GUCY1A2: variants seen among roughly 807,000 people sequenced by gnomAD.
GUCY1A2 encodes the protein guanylate cyclase 1 soluble subunit alpha 2.
A neutral mutation model predicts 63.5 loss-of-function variants in GUCY1A2; 27 were observed. The observed-to-expected ratio is 0.43, with a 90% CI of 0.31 to 0.59. The LOEUF (loss-of-function observed/expected upper bound fraction) is 0.59. Ranked by LOEUF, GUCY1A2 falls within the 20% of genes least tolerant of loss-of-function variation. GUCY1A2 has a pLI of 0.11. For missense variants in GUCY1A2, 768 were observed against 913.3 expected (o/e 0.84, Z 2.05); for synonymous variants, 364 against 343.5 (o/e 1.06, Z -0.66).
intron 4 of GUCY1A2, among the ~76,000 whole-genome samples, chr11:106,862,591 A>C (rs936337364): frequency 6.6e-6 from 1 of 152,066 alleles, no homozygotes; most frequent in African/African-American, 2.4e-5. Context: ...TGGGCACTCT[A>C]AGGGAATACC....
At chr11:106,991,710 T>C (rs1435211443) in intron 1 of GUCY1A2, among the ~76,000 whole-genome samples, 1 of 152,222 alleles carries the variant, frequency 6.6e-6, no homozygotes, top group Non-Finnish European at 1.5e-5. Flanking sequence ...CTGTCACTAA[T>C]GGCTTATAAT....
intron 4 of GUCY1A2, among the ~76,000 whole-genome samples, chr11:106,878,022 GA>G (rs869190299): frequency 1.6e-4 from 24 of 151,264 alleles, no homozygotes; most frequent in African/African-American, 5.3e-4. Flanking sequence ...AACAATATAT[GA>G]AAAAAAACTC....
At chr11:106,922,240 A>G (rs775488226) in intron 4 of GUCY1A2, among the ~76,000 whole-genome samples, 1 of 152,154 alleles carries the variant, frequency 6.6e-6, no homozygotes, top group African/African-American at 2.4e-5. Context: ...TAAAATGTTA[A>G]GGTGAAAGAA....
intron 6 of GUCY1A2, among the ~76,000 whole-genome samples, chr11:106,766,433 A>ATGTT (rs1365965669): frequency 2.0e-5 from 3 of 152,088 alleles, no homozygotes; most frequent in African/African-American, 7.2e-5. Flanking sequence ...TTTGTATTGA[A>ATGTT]TGTTTGCATA....
At chr11:106,731,081 G>T (rs1591252035) in intron 6 of GUCY1A2, among the ~76,000 whole-genome samples, 1 of 152,086 alleles carries the variant, frequency 6.6e-6, no homozygotes, top group East Asian at 1.9e-4. Context: ...CTTTTGGTGT[G>T]CAGATCTTTA....
chr11:106,687,840 C>T, intron 7 of GUCY1A2, 84 bp from the exon 8 acceptor site: 1 of 895,154 alleles, frequency 1.1e-6, no homozygotes, highest in East Asian at 2.4e-5. Flanking sequence ...GCTCAGGAAG[C>T]CTATCTCTGA....
At position 106,885,664 on chromosome 11, in the gene GUCY1A2, A is replaced by T. The variant is rs576092046; in HGVS notation, c.1206+53796T>A. 2.6e-5 allele frequency among the ~76,000 whole-genome samples: 4 copies of T among 152,286 alleles called. No homozygotes were observed. In the South Asian group the frequency reaches 8.3e-4, roughly 32 times the overall value. On this transcript the variant is annotated intron_variant, in intron 4 of 7. Coordinates refer to ENST00000526355, the MANE Select transcript of GUCY1A2 (RefSeq NM_000855.3). ...CATAATTCCATTTCCCCACATATAA[A>T]ATAGGGATAGTACACCATCCTATTT...
intron 4 of GUCY1A2, among the ~76,000 whole-genome samples, chr11:106,933,176 A>G (rs184778759): frequency 1.1e-4 from 17 of 152,256 alleles, no homozygotes; most frequent in South Asian, 1.0e-3. Context: ...TAAACAACCT[A>G]AAAAATGGGA....
At chr11:106,855,348 T>C (rs1859414617) in intron 4 of GUCY1A2, among the ~76,000 whole-genome samples, 1 of 152,146 alleles carries the variant, frequency 6.6e-6, no homozygotes, top group South Asian at 2.1e-4. Context: ...AAACCGATCC[T>C]GGCCAGGCCA....
chr11:106,962,250 G>A (rs1433744526), intron 3 of GUCY1A2, among the ~76,000 whole-genome samples: 1 of 152,126 alleles, frequency 6.6e-6, no homozygotes, highest in Non-Finnish European at 1.5e-5. Flanking sequence ...GTCCATGACA[G>A]CATGAAAATG....
intron 3 of GUCY1A2, among the ~76,000 whole-genome samples, chr11:106,961,899 A>G (rs893412085): frequency 6.6e-6 from 1 of 152,190 alleles, no homozygotes; most frequent in Non-Finnish European, 1.5e-5. Flanking sequence ...AAATCTCCCA[A>G]TGTAGGCAAT....
At chr11:106,789,444 G>C (rs1184942568) in intron 5 of GUCY1A2, among the ~76,000 whole-genome samples, 1 of 152,124 alleles carries the variant, frequency 6.6e-6, no homozygotes, top group African/African-American at 2.4e-5. Context: ...TCAGTTCTCT[G>C]TCTGAAAGGT....
At position 106,679,405 on chromosome 11, in the gene GUCY1A2, T is replaced by G; in HGVS notation, c.*8144A>C. 5.1e-6 allele frequency: 1 copy of G among 195,360 alleles called. No homozygotes were observed. The allele number at this position is 195,360 out of a possible 1,614,324, so 12.1% of individuals were successfully genotyped here. On this transcript the variant is annotated 3_prime_UTR_variant, in exon 8 of 8. Transcript: ENST00000526355. ...TCTGCTCTAAAGTTCCACACTTGTT[T>G]TGCTAGCAGCCAAACCCAATTTGAG...
chr11:106,832,143 CATTATGA>C (rs1859059432), intron 4 of GUCY1A2, among the ~76,000 whole-genome samples: 1 of 152,082 alleles, frequency 6.6e-6, no homozygotes, highest in South Asian at 2.1e-4. Context: ...CAACATTAAT[CATTATGA>C]ATTATAATTT....
intron 3 of GUCY1A2, among the ~76,000 whole-genome samples, chr11:106,945,854 C>A (rs1173569303): frequency 6.6e-6 from 1 of 152,124 alleles, no homozygotes; most frequent in Non-Finnish European, 1.5e-5. Flanking sequence ...ATCCCAGCTA[C>A]TTGGGAAAGC....
At chr11:106,856,725 C>A (rs977373764) in intron 4 of GUCY1A2, among the ~76,000 whole-genome samples, 1 of 152,178 alleles carries the variant, frequency 6.6e-6, no homozygotes, top group Admixed American at 6.5e-5. Flanking sequence ...TACAGCACCA[C>A]GGTGTGCATT....
intron 6 of GUCY1A2, among the ~76,000 whole-genome samples, chr11:106,723,465 T>G (rs888189452): frequency 6.6e-6 from 1 of 152,182 alleles, no homozygotes; most frequent in African/African-American, 2.4e-5. Flanking sequence ...ATAACAACAT[T>G]TTTCTCACTG....
intron 6 of GUCY1A2, among the ~76,000 whole-genome samples, chr11:106,755,920 T>C (rs1211573264): frequency 6.6e-6 from 1 of 152,174 alleles, no homozygotes; most frequent in Non-Finnish European, 1.5e-5. Context: ...TTCTGTCTGG[T>C]TGATCTGTCT....
intron 6 of GUCY1A2, among the ~76,000 whole-genome samples, chr11:106,709,495 T>TA (rs1863010006): frequency 7.3e-5 from 4 of 55,092 alleles, no homozygotes; most frequent in South Asian, 4.8e-4. Context: ...TTTATATATA[T>TA]ATAATAATAT....
Sources: gnomAD v4.1 joint callset for allele counts (sites outside exome capture counted in the v4.1 genomes callset) on GRCh38, gnomAD v4.1.1 for gene constraint, MANE v1.5 for transcripts, NCBI Gene and HGNC (gene_info 2026-07-23, HGNC 2026-07-21) for gene names.